FBXL17: variants seen among roughly 807,000 people sequenced by gnomAD.
FBXL17 encodes the protein F-box and leucine rich repeat protein 17, also known as F-box/LRR-repeat protein 17.
FBXL17 carries 22 observed loss-of-function variants against 66.2 expected under a neutral mutation model. The ratio of observed to expected loss-of-function variants is 0.33; its 90% CI spans 0.24 to 0.47. FBXL17 has a LOEUF of 0.47. FBXL17 is among the 20% of genes least tolerant of loss of function. The pLI, the probability that FBXL17 is intolerant of heterozygous loss-of-function variation, is 1.00. For missense variants in FBXL17, 878 were observed against 948.2 expected, an observed-to-expected ratio of 0.93 and a Z score of 0.97; for synonymous variants, 474 against 400.5, an observed-to-expected ratio of 1.18 and a Z score of -2.19.
At chr5:108,221,077 C>CA (rs1754845153) in intron 5 of FBXL17, among the ~76,000 whole-genome samples, 1 of 152,180 alleles carries the variant, frequency 6.6e-6, no homozygotes, top group Non-Finnish European at 1.5e-5. Context: ...CTCATTAACA[C>CA]AGTCATAGCA....
chr5:107,871,602 G>A (rs566386524), intron 8 of FBXL17, among the ~76,000 whole-genome samples: 4 of 152,320 alleles, frequency 2.6e-5, no homozygotes, highest in African/African-American at 9.6e-5. Flanking sequence ...CACTGGCCAT[G>A]GACTTGGCCA....
intron 7 of FBXL17, among the ~76,000 whole-genome samples, chr5:107,899,655 A>G (rs1749503978): frequency 6.6e-6 from 1 of 152,196 alleles, no homozygotes; most frequent in Non-Finnish European, 1.5e-5. Flanking sequence ...TGGTGCCCCT[A>G]CACATTGTTC....
chr5:107,932,699 T>A (rs1369514700), intron 7 of FBXL17, among the ~76,000 whole-genome samples: 1 of 152,146 alleles, frequency 6.6e-6, no homozygotes. Flanking sequence ...TGAACATGAT[T>A]TATTTCTAAA....
At chr5:108,282,383 A>G (rs549785754) in intron 4 of FBXL17, among the ~76,000 whole-genome samples, 12 of 152,046 alleles carry the variant, frequency 7.9e-5, no homozygotes, top group African/African-American at 2.9e-4. Flanking sequence ...AATAAATGTG[A>G]TGTATCATAT....
At chr5:108,195,472 C>A (rs1753642551) in intron 5 of FBXL17, among the ~76,000 whole-genome samples, 1 of 152,084 alleles carries the variant, frequency 6.6e-6, no homozygotes, top group East Asian at 1.9e-4. Context: ...TGAAGACTAG[C>A]AGGAGACATG....
intron 8 of FBXL17, chr5:107,879,277 A>T: frequency 1.0e-6 from 1 of 985,464 alleles, no homozygotes; most frequent in Non-Finnish European, 1.2e-6. Context: ...GTTAGCATTC[A>T]TGTGGCAGTT....
chr5:108,117,257 A>G lies in FBXL17; in HGVS notation c.1745+68860T>C, dbSNP rs571117006. Among the ~76,000 whole-genome samples, 24 of 152,336 alleles carry G rather than the reference A, an allele frequency of 1.6e-4. No homozygotes were observed. The South Asian group carries it at 4.8e-3, about 30-fold the overall frequency. Reference sequence around the variant, plus strand: ...TAGATTTGTAAGGCTGCCTTCCCAGAGATTGAGAGTGCTTGGGAAAATTAA... The same window carrying G: ...TAGATTTGTAAGGCTGCCTTCCCAGGGATTGAGAGTGCTTGGGAAAATTAA... On this transcript the variant is annotated intron_variant, in intron 6 of 8. Transcript: ENST00000542267.
At chr5:108,099,391 A>G (rs773923095) in intron 6 of FBXL17, among the ~76,000 whole-genome samples, 3 of 152,218 alleles carry the variant, frequency 2.0e-5, no homozygotes, top group Non-Finnish European at 4.4e-5. Flanking sequence ...TTAATTTAAT[A>G]TAAGTTTTAC....
intron 6 of FBXL17, among the ~76,000 whole-genome samples, chr5:108,062,231 C>T (rs1444558919): frequency 6.6e-6 from 1 of 151,856 alleles, no homozygotes. Flanking sequence ...TTCAGTAGTA[C>T]ATGAATAAAA....
Position 108,348,417 on chromosome 5 carries a change from G to A in FBXL17, c.1488C>T (p.Tyr496=). 1 of 1,613,370 alleles carries A rather than the reference G, an allele frequency of 6.2e-7. No homozygotes were observed. The highest frequency in any genetic ancestry group is 8.5e-7 in the Non-Finnish European group (1 of 1,179,472). Residue 496 remains tyrosine (Y), a synonymous_variant, in exon 4 of 9, where the codon TAC becomes TAT. Transcript: ENST00000542267. The part of the protein sequence containing the change: ...AKGCLKLQRI[Y]MQENKLVTDQ... ...TACTTACTAATTTGTTTTCCTGCAT[G>A]TATATCCTTTGTAATTTCAGACAGC...
chr5:108,227,698 T>C (rs1755157231), intron 4 of FBXL17, among the ~76,000 whole-genome samples: 1 of 152,222 alleles, frequency 6.6e-6, no homozygotes, highest in African/African-American at 2.4e-5. Context: ...ACAGCATCTA[T>C]GGTACATGTG....
chr5:108,354,046 A>G (rs1249169209), intron 3 of FBXL17, among the ~76,000 whole-genome samples: 2 of 152,214 alleles, frequency 1.3e-5, no homozygotes, highest in Non-Finnish European at 2.9e-5. Context: ...AAAATCCAAA[A>G]TGTTCTAATG....
chr5:108,137,532 C>G (rs1751185383), intron 6 of FBXL17, among the ~76,000 whole-genome samples: 1 of 152,042 alleles, frequency 6.6e-6, no homozygotes, highest in South Asian at 2.1e-4. Flanking sequence ...AAGTGGCATG[C>G]CACTTTTGGA....
chr5:108,167,066 GT>G (rs766229373), intron 6 of FBXL17, among the ~76,000 whole-genome samples: 150 of 151,934 alleles, frequency 9.9e-4, no homozygotes, highest in African/African-American at 3.5e-3. Flanking sequence ...AGATCATTGT[GT>G]TTTTTTTAAA....
chr5:108,198,935 T>C (rs1021593873), intron 5 of FBXL17, among the ~76,000 whole-genome samples: 1 of 152,154 alleles, frequency 6.6e-6, no homozygotes, highest in Admixed American at 6.6e-5. Flanking sequence ...TTAAAGATGA[T>C]AAAAGTATTT....
intron 6 of FBXL17, among the ~76,000 whole-genome samples, chr5:108,094,883 A>AT (rs1386960190): frequency 2.0e-5 from 3 of 152,068 alleles, no homozygotes; most frequent in East Asian, 1.9e-4. Context: ...GCAAAAAAAA[A>AT]AAATAAATGA....
intron 7 of FBXL17, among the ~76,000 whole-genome samples, chr5:107,929,827 T>G (rs1460592844): frequency 6.6e-6 from 1 of 152,012 alleles, no homozygotes; most frequent in Non-Finnish European, 1.5e-5. Flanking sequence ...AAGGACAGAG[T>G]CTAGGACGGG....
At chr5:108,201,990 T>C in intron 5 of FBXL17, among the ~76,000 whole-genome samples, 1 of 152,108 alleles carries the variant, frequency 6.6e-6, no homozygotes, top group East Asian at 1.9e-4. Flanking sequence ...AACCACAATT[T>C]ACAAACAAGT....
At chr5:108,321,313 A>G (rs1465696680) in intron 4 of FBXL17, among the ~76,000 whole-genome samples, 3 of 151,834 alleles carry the variant, frequency 2.0e-5, no homozygotes, top group Non-Finnish European at 4.4e-5. Context: ...TAAATTCACA[A>G]CTCTAAAATA....
Sources: allele counts gnomAD v4.1 joint callset (sites outside exome capture counted in the v4.1 genomes callset), GRCh38; gene constraint gnomAD v4.1.1; transcripts MANE v1.5; gene names NCBI Gene and HGNC (gene_info 2026-07-23, HGNC 2026-07-21).